Variants in SPATA16 observed in about 807,000 individuals in gnomAD.
The protein encoded by SPATA16 is spermatogenesis associated 16, also known as spermatogenesis-associated protein 16.
A neutral mutation model predicts 63.3 loss-of-function variants in SPATA16; 36 were observed. The observed-to-expected ratio is 0.57, with a 90% CI of 0.44 to 0.75. SPATA16 has a LOEUF of 0.75. Among genes scored for constraint, SPATA16 ranks in the 30% least tolerant of loss-of-function variants. The probability of loss-of-function intolerance (pLI) is 0.00; values close to 1 mark genes in which losing one functional copy is unlikely to be tolerated. For synonymous variants in SPATA16, 203 were observed against 216.7 expected (o/e 0.94, Z 0.56); for missense variants, 646 against 679.3 (o/e 0.95, Z 0.54).
At position 172,889,452 on chromosome 3, in the gene SPATA16, T is replaced by C. The variant is rs1260060606; in HGVS notation, c.*118A>G. The C allele has an allele frequency of 1.4e-6, 2 of 1,442,756 alleles. No homozygotes were observed. Among genetic ancestry groups the C allele is most frequent in the East Asian group, 4.5e-5 (2 of 44,038 alleles). The allele number at this position is 1,442,756 out of a possible 1,614,324, so 89.4% of individuals were successfully genotyped here. On this transcript the variant is annotated 3_prime_UTR_variant, in exon 11 of 11. Coordinates refer to ENST00000351008, the MANE Select transcript of SPATA16 (RefSeq NM_031955.6). ...AAGATGAACTGAGGGGAATACCACC[T>C]CTTTCTTTTGGTGACAAGCTTTTGT...
chr3:172,892,863 T>A (rs1053871698), intron 10 of SPATA16, among the ~76,000 whole-genome samples: 14 of 152,226 alleles, frequency 9.2e-5, no homozygotes, highest in Non-Finnish European at 2.1e-4. Context: ...GGGTCTAATT[T>A]TCCCCGTTGA....
intron 10 of SPATA16, among the ~76,000 whole-genome samples, chr3:172,896,313 C>G (rs1171057145): frequency 6.6e-6 from 1 of 152,144 alleles, no homozygotes; most frequent in African/African-American, 2.4e-5. Flanking sequence ...CTCCGCCTCC[C>G]GGGTTCACGC....
chr3:173,087,538 G>C (rs1487522873), intron 2 of SPATA16, among the ~76,000 whole-genome samples: 1 of 152,096 alleles, frequency 6.6e-6, no homozygotes, highest in Non-Finnish European at 1.5e-5. Flanking sequence ...GGTTAATATT[G>C]CTATGTGTGA....
At chr3:172,930,832 G>C (rs977945278) in intron 6 of SPATA16, among the ~76,000 whole-genome samples, 1 of 150,926 alleles carries the variant, frequency 6.6e-6, no homozygotes, top group Non-Finnish European at 1.5e-5. Context: ...GATTACAGGC[G>C]TGAGCCACCT....
At chr3:173,083,138 CTGTTA>C (rs1398055676) in intron 2 of SPATA16, among the ~76,000 whole-genome samples, 3 of 151,544 alleles carry the variant, frequency 2.0e-5, no homozygotes, top group African/African-American at 7.3e-5. Context: ...TTTTACTACA[CTGTTA>C]TAACATTGGA....
At chr3:173,077,980 A>G (rs1736844805) in intron 2 of SPATA16, among the ~76,000 whole-genome samples, 1 of 152,180 alleles carries the variant, frequency 6.6e-6, no homozygotes, top group Admixed American at 6.6e-5. Flanking sequence ...GAAATGTGAT[A>G]ATTAAAGCAC....
At chr3:173,119,392 G>C (rs1325169970) in intron 1 of SPATA16, among the ~76,000 whole-genome samples, 3 of 152,136 alleles carry the variant, frequency 2.0e-5, no homozygotes, top group East Asian at 1.9e-4. Flanking sequence ...AACCATAACT[G>C]TTCCTATGGC....
intron 8 of SPATA16, among the ~76,000 whole-genome samples, chr3:172,919,985 G>A (rs1560067017): frequency 1.3e-5 from 2 of 152,048 alleles, no homozygotes; most frequent in South Asian, 2.1e-4. Context: ...GAACCACTGC[G>A]CCCAGCCTAT....
chr3:173,019,862 T>C (rs917457008), intron 3 of SPATA16, among the ~76,000 whole-genome samples: 11 of 151,936 alleles, frequency 7.2e-5, no homozygotes, highest in Non-Finnish European at 1.6e-4. Context: ...TTATGTTACA[T>C]ATAAGACATG....
chr3:172,895,206 C>G (rs1302997586), intron 10 of SPATA16, among the ~76,000 whole-genome samples: 2 of 152,220 alleles, frequency 1.3e-5, no homozygotes, highest in East Asian at 3.8e-4. Context: ...TTGATACAGT[C>G]AAGATACGGA....
intron 4 of SPATA16, among the ~76,000 whole-genome samples, chr3:173,017,897 GACACTT>G (rs1350295413): frequency 6.6e-6 from 1 of 152,120 alleles, no homozygotes; most frequent in Non-Finnish European, 1.5e-5. Flanking sequence ...GAAACAGAAG[GACACTT>G]ACTATCATCT....
intron 3 of SPATA16, among the ~76,000 whole-genome samples, chr3:173,021,000 A>G (rs1239456669): frequency 6.6e-6 from 1 of 152,216 alleles, no homozygotes; most frequent in Admixed American, 6.5e-5. Flanking sequence ...CATAATCATA[A>G]TTGCACAAAT....
At chr3:172,913,053 T>C in intron 10 of SPATA16, among the ~76,000 whole-genome samples, 1 of 152,328 alleles carries the variant, frequency 6.6e-6, no homozygotes, top group African/African-American at 2.4e-5. Context: ...TGATCAGAAC[T>C]TAATACTTTG....
chr3:172,899,542 G>A (rs1732080262), intron 10 of SPATA16, among the ~76,000 whole-genome samples: 1 of 151,922 alleles, frequency 6.6e-6, no homozygotes, highest in African/African-American at 2.4e-5. Context: ...AAGTGAGTTT[G>A]TAGACAGAAT....
At chr3:172,976,271 G>A (rs1394436313) in intron 5 of SPATA16, among the ~76,000 whole-genome samples, 3 of 152,062 alleles carry the variant, frequency 2.0e-5, no homozygotes, top group African/African-American at 4.8e-5. Context: ...TTAGCAAACT[G>A]GATGTTATTT....
intron 4 of SPATA16, among the ~76,000 whole-genome samples, chr3:172,994,013 A>G (rs888590068): frequency 6.6e-6 from 1 of 152,164 alleles, no homozygotes; most frequent in African/African-American, 2.4e-5. Context: ...TAAAAGCCAT[A>G]AACTTTTCAT....
At chr3:173,016,132 T>C (rs985267327) in intron 4 of SPATA16, among the ~76,000 whole-genome samples, 1 of 152,222 alleles carries the variant, frequency 6.6e-6, no homozygotes, top group East Asian at 1.9e-4. Flanking sequence ...ATCTCCGCAA[T>C]GTGACTAGCA....
chr3:172,894,461 G>T (rs1317435152), intron 10 of SPATA16, among the ~76,000 whole-genome samples: 1 of 144,396 alleles, frequency 6.9e-6, no homozygotes, highest in Non-Finnish European at 1.5e-5. Flanking sequence ...AAAATCTGGG[G>T]TACCTACCCC....
intron 2 of SPATA16, among the ~76,000 whole-genome samples, chr3:173,096,198 G>A (rs1457572513): frequency 6.6e-6 from 1 of 152,048 alleles, no homozygotes; most frequent in Non-Finnish European, 1.5e-5. Context: ...TAAGAAATGG[G>A]CATTTGGGTC....
Sources: allele counts gnomAD v4.1 joint callset (sites outside exome capture counted in the v4.1 genomes callset), GRCh38; gene constraint gnomAD v4.1.1; transcripts MANE v1.5; gene names NCBI Gene and HGNC (gene_info 2026-07-23, HGNC 2026-07-21).